Variants in USP7 observed in about 807,000 individuals in gnomAD.
USP7 encodes the protein ubiquitin specific peptidase 7.
A neutral mutation model predicts 162.9 loss-of-function variants in USP7; 9 were observed. The observed-to-expected ratio is 0.06, with a 90% CI of 0.03 to 0.10. The LOEUF (loss-of-function observed/expected upper bound fraction) is 0.10, where lower values mean the gene tolerates loss of function less well. Ranked by LOEUF, USP7 falls within the 10% of genes least tolerant of loss-of-function variation. The pLI, the probability that USP7 is intolerant of heterozygous loss-of-function variation, is 1.00. For synonymous variants in USP7, 562 were observed against 475.9 expected (o/e 1.18, Z -2.35); for missense variants, 715 against 1,373.7 (o/e 0.52, Z 7.58).
intron 25 of USP7, among the ~76,000 whole-genome samples, chr16:8,897,938 G>C (rs947859424): frequency 7.3e-5 from 11 of 151,258 alleles, no homozygotes; most frequent in African/African-American, 2.2e-4. Flanking sequence ...TGCGTCTTCT[G>C]TTTGGAGCAA....
chr16:8,915,741 A>G (rs1288923654), intron 8 of USP7, among the ~76,000 whole-genome samples: 1 of 152,238 alleles, frequency 6.6e-6, no homozygotes, highest in Non-Finnish European at 1.5e-5. Flanking sequence ...AACCTTTTAT[A>G]CAGCCTTTGG....
intron 1 of USP7, among the ~76,000 whole-genome samples, chr16:8,942,596 G>A (rs1899098901): frequency 6.6e-6 from 1 of 152,158 alleles, no homozygotes; most frequent in Non-Finnish European, 1.5e-5. Context: ...TGGGCAGGCT[G>A]GAGTGCAGTG....
At chr16:8,959,432 T>C (rs937389475) in intron 1 of USP7, among the ~76,000 whole-genome samples, 1 of 151,808 alleles carries the variant, frequency 6.6e-6, no homozygotes, top group Admixed American at 6.6e-5. Flanking sequence ...AAATTAATAA[T>C]GAGGATATCA....
At chr16:8,920,894 A>C (rs1216471421) in intron 4 of USP7, among the ~76,000 whole-genome samples, 2 of 152,266 alleles carry the variant, frequency 1.3e-5, no homozygotes, top group Admixed American at 6.5e-5. Flanking sequence ...AAAGGACCTC[A>C]AACAGCATTA....
At chr16:8,932,596 A>C (rs1898423140) in intron 1 of USP7, among the ~76,000 whole-genome samples, 2 of 140,430 alleles carry the variant, frequency 1.4e-5, no homozygotes, top group South Asian at 5.0e-4. Flanking sequence ...GCTCCAAATC[A>C]AATATACATG....
intron 1 of USP7, among the ~76,000 whole-genome samples, chr16:8,940,799 C>G (rs1899006515): frequency 6.6e-6 from 1 of 152,098 alleles, no homozygotes; most frequent in Non-Finnish European, 1.5e-5. Flanking sequence ...GGAATATTAG[C>G]CGGACATGGT....
intron 13 of USP7, 85 bp from the exon 14 acceptor site, chr16:8,905,416 G>T: frequency 6.5e-7 from 1 of 1,540,778 alleles, no homozygotes; most frequent in Non-Finnish European, 8.9e-7. Context: ...TCTAAAATGT[G>T]TGAACTTCTA....
At chr16:8,910,128 A>G (rs758920675) in intron 11 of USP7, among the ~76,000 whole-genome samples, 3 of 152,164 alleles carry the variant, frequency 2.0e-5, no homozygotes, top group African/African-American at 4.8e-5. Flanking sequence ...AGTCAAGGTT[A>G]TAAGATTACA....
intron 3 of USP7, among the ~76,000 whole-genome samples, chr16:8,922,384 ACGCCGAGGCAGGAGAATCG>A (rs774704270): frequency 3.3e-5 from 5 of 152,198 alleles, no homozygotes; most frequent in Admixed American, 6.5e-5. Flanking sequence ...GCTACTTGAG[ACGCCGAGGCAGGAGAATCG>A]CTTGAACCCG....
At chr16:8,927,698 T>C (rs1788953014) in intron 2 of USP7, among the ~76,000 whole-genome samples, 1 of 152,038 alleles carries the variant, frequency 6.6e-6, no homozygotes, top group African/African-American at 2.4e-5. Context: ...TAGCCAGGCG[T>C]GGTGGCATTT....
chr16:8,955,833 G>A (rs994104310), intron 1 of USP7, among the ~76,000 whole-genome samples: 7 of 151,982 alleles, frequency 4.6e-5, no homozygotes, highest in Middle Eastern at 3.4e-3. Flanking sequence ...CTTTTTTAAG[G>A]GGCTGTGGAG....
chr16:8,895,097 T>C lies in USP7; in HGVS notation c.2973A>G (p.Thr991=), dbSNP rs377690212. 6.2e-7 allele frequency: 1 copy of C among 1,614,140 alleles called. No homozygotes were observed. Among genetic ancestry groups the C allele is most frequent in the African/African-American group, 1.3e-5 (1 of 74,944 alleles). ...DIDKENEMLV[T]VAHFHKEVFG... ...AGACCTCTTTGTGGAAATGCGCCAC[T>C]GTGACAAGCATCTCATTCTCTTTGT... Residue 991 remains threonine (T), a synonymous_variant, in exon 28 of 31, where the codon ACA becomes ACG. Transcript: ENST00000344836.
chr16:8,904,921 G>T lies in USP7; in HGVS notation c.1573+266C>A, dbSNP rs546930260. Among the ~76,000 whole-genome samples the T allele has an allele frequency of 4.6e-5, 7 of 152,256 alleles. No individual in the cohort carries two copies. The East Asian group carries it at 1.3e-3, about 29-fold the overall frequency. On this transcript the variant is annotated intron_variant, in intron 14 of 30. Transcript: ENST00000344836. ...CGGGAGGTGGAGCTTGCAGTGAGCC[G>T]AGATCGCGCCACTGCACTCCAGCCT...
At chr16:8,957,501 T>A (rs1953591975) in intron 1 of USP7, among the ~76,000 whole-genome samples, 1 of 151,728 alleles carries the variant, frequency 6.6e-6, no homozygotes, top group African/African-American at 2.4e-5. Context: ...CCCAGTGCTT[T>A]GAGAGGTTCA....
At chr16:8,937,082 CA>C (rs922389572) in intron 1 of USP7, among the ~76,000 whole-genome samples, 6 of 152,130 alleles carry the variant, frequency 3.9e-5, no homozygotes, top group African/African-American at 1.4e-4. Flanking sequence ...GCCTAACAAG[CA>C]GGAGGAATAA....
intron 1 of USP7, among the ~76,000 whole-genome samples, chr16:8,951,386 A>G (rs1433502314): frequency 2.8e-5 from 4 of 140,768 alleles, no homozygotes; most frequent in African/African-American, 1.0e-4. Flanking sequence ...TAAAGAAACT[A>G]GGTGATTTAG....
At position 8,904,584 on chromosome 16, in the gene USP7, C is replaced by T. The variant is rs1184002423; in HGVS notation, c.1574-19G>A. The T allele has an allele frequency of 6.2e-7, 1 of 1,612,450 alleles. No homozygotes were observed. Among genetic ancestry groups the T allele is most frequent in the African/African-American group, 1.3e-5 (1 of 74,892 alleles). The stretch of plus-strand genomic sequence containing the variant: ...ACTTCACCTGCAGGACAAAGGCATC[C>T]TCTTTGACCCCTGCAGATGGACTTT... On this transcript the variant is annotated intron_variant, in intron 14 of 30. Coordinates refer to ENST00000344836, the MANE Select transcript of USP7 (RefSeq NM_003470.3).
At chr16:8,938,969 A>G (rs1325466031) in intron 1 of USP7, among the ~76,000 whole-genome samples, 2 of 152,116 alleles carry the variant, frequency 1.3e-5, no homozygotes, top group African/African-American at 4.8e-5. Flanking sequence ...CCTGGAACCA[A>G]TCCACCATTA....
At chr16:8,945,477 T>G (rs11075053) in intron 1 of USP7, among the ~76,000 whole-genome samples, 50,631 of 152,016 alleles carry the variant, frequency 0.33, 10,269 homozygotes, top group African/African-American at 0.57. Context: ...GTGGGGGCTT[T>G]GGGAACAGTT....
Sources: gnomAD v4.1 joint callset for allele counts (sites outside exome capture counted in the v4.1 genomes callset) on GRCh38, gnomAD v4.1.1 for gene constraint, MANE v1.5 for transcripts, NCBI Gene and HGNC (gene_info 2026-07-23, HGNC 2026-07-21) for gene names.